MZT2A: variants seen among roughly 807,000 people sequenced by gnomAD.
The protein encoded by MZT2A is mitotic spindle organizing protein 2A.
MZT2A carries 8 observed loss-of-function variants against 12.4 expected under a neutral mutation model. The ratio of observed to expected loss-of-function variants is 0.64; its 90% CI spans 0.38 to 1.16. The LOEUF (loss-of-function observed/expected upper bound fraction) is 1.16. Among genes scored for constraint, MZT2A ranks in the 50% most tolerant of loss-of-function variants. MZT2A has a pLI of 0.01. For synonymous variants in MZT2A, 88 were observed against 107.5 expected (o/e 0.82, Z 1.12); for missense variants, 181 against 223.6 (o/e 0.81, Z 1.22).
rs1283016624 is a variant in MZT2A, at chr2:131,491,170, AGAG to A, written c.319+703_319+705del. 5 of 530,814 alleles carry A rather than the reference AGAG, an allele frequency of 9.4e-6. No homozygotes were observed. In the Admixed American group the frequency reaches 1.5e-4, roughly 16 times the overall value. The allele number at this position is 530,814 out of a possible 1,614,324, so 32.9% of individuals were successfully genotyped here. A position where few individuals can be genotyped will look rare whatever the true frequency, so the allele number is the denominator to read the frequency against. On this transcript the variant is annotated intron_variant, in intron 2 of 2. Coordinates refer to ENST00000309451, the MANE Select transcript of MZT2A (RefSeq NM_001085365.2). Reference sequence around the variant, plus strand: ...CATCGGGAGCAGAAGCAACATGCGGAGAGGATGAGCAGGGACGGAGGCTCCACC... The same window carrying A: ...CATCGGGAGCAGAAGCAACATGCGGAGATGAGCAGGGACGGAGGCTCCACC...
chr2:131,477,780 TCCTTACCCAACCCGACTA>T (rs1678723643), intron 2 of MZT2A, among the ~76,000 whole-genome samples: 1 of 151,840 alleles, frequency 6.6e-6, no homozygotes, highest in Non-Finnish European at 1.5e-5. Flanking sequence ...ACTCTGTATT[TCCTTACCCAACCCGACTA>T]CCTTATCCTT....
chr2:131,476,196 C>T (rs774743711), intron 2 of MZT2A: 12 of 1,613,834 alleles, frequency 7.4e-6, no homozygotes, highest in Admixed American at 1.7e-5. Flanking sequence ...CAGCGGAGTT[C>T]GCCATGGTAA....
intron 2 of MZT2A, chr2:131,489,767 C>T: frequency 1.4e-6 from 1 of 732,576 alleles, no homozygotes; most frequent in Non-Finnish European, 1.7e-6. Flanking sequence ...CCTGCCTTGA[C>T]TTCCCGAAGT....
chr2:131,484,331 G>C (rs1258289641), intron 2 of MZT2A, 113 bp from the exon 3 acceptor site: 10 of 1,486,126 alleles, frequency 6.7e-6, no homozygotes, highest in East Asian at 2.4e-5. Flanking sequence ...CATCAAAGTC[G>C]CTTCAGCTAG....
In MZT2A at chr2:131,471,380, A is replaced by T. The variant is rs545337584; in HGVS notation, c.393+688T>A. ...TATAAATGAATGTATTTTAGAAAAC[A>T]GAGCCTATGCAGTGAGCTGAGATCG... On this transcript the variant is annotated intron_variant and NMD_transcript_variant, in intron 3 of 4. Coordinates refer to the MZT2A transcript ENST00000427024. Among the ~76,000 whole-genome samples the T allele has an allele frequency of 5.0e-5, 7 of 139,504 alleles. No individual in the cohort carries two copies. The East Asian group carries it at 1.4e-3, about 27-fold the overall frequency. The allele number at this position is 139,504 out of a possible 152,430, so 91.5% of individuals were successfully genotyped here. A position where few individuals can be genotyped will look rare whatever the true frequency, so the allele number is the denominator to read the frequency against.
intron 2 of MZT2A, among the ~76,000 whole-genome samples, chr2:131,475,860 C>T (rs559886993): frequency 6.6e-6 from 1 of 152,158 alleles, no homozygotes; most frequent in East Asian, 1.9e-4. Flanking sequence ...CAATGTTCCG[C>T]GACCCACAGA....
intron 2 of MZT2A, among the ~76,000 whole-genome samples, chr2:131,474,814 G>A (rs752648185): frequency 6.7e-6 from 1 of 148,656 alleles, no homozygotes; most frequent in Non-Finnish European, 1.5e-5. Flanking sequence ...GGACAACACA[G>A]CAAGACTTCT....
intron 2 of MZT2A, chr2:131,478,291 G>A: frequency 2.5e-6 from 4 of 1,614,020 alleles, no homozygotes; most frequent in Non-Finnish European, 3.4e-6. Context: ...ACCATTGGTG[G>A]CGGGGACGAC....
intron 2 of MZT2A, among the ~76,000 whole-genome samples, chr2:131,488,511 A>G (rs1679145534): frequency 1.3e-5 from 2 of 151,986 alleles, no homozygotes; most frequent in Non-Finnish European, 2.9e-5. Context: ...CCTGTGGGAA[A>G]CCTATGGCCT....
At chr2:131,493,058 G>A, upstream of MZT2A, 3 of 1,490,720 alleles carry the variant, frequency 2.0e-6, no homozygotes, top group Non-Finnish European at 2.7e-6. Context: ...GTGGCTCTGC[G>A]CGCAGCTTGA....
At chr2:131,479,454 C>T (rs1414248906), downstream of MZT2A, 1 of 1,613,948 alleles carries the variant, frequency 6.2e-7, no homozygotes, top group Non-Finnish European at 8.5e-7. Flanking sequence ...GATCCGCAAA[C>T]TGGTAAGAAG....
chr2:131,492,803 T>C, upstream of MZT2A: 2 of 1,381,128 alleles, frequency 1.4e-6, no homozygotes, highest in Non-Finnish European at 1.9e-6. Context: ...GGGGCACTAA[T>C]CAACAACCCT....
chr2:131,480,354 C>T (rs200147665), downstream of MZT2A: 89 of 1,463,970 alleles, frequency 6.1e-5, no homozygotes, highest in Middle Eastern at 7.9e-4. Flanking sequence ...GGACATTGAA[C>T]GTCCCACGTA....
chr2:131,474,463 G>A (rs1678587469), intron 2 of MZT2A, among the ~76,000 whole-genome samples: 1 of 138,448 alleles, frequency 7.2e-6, no homozygotes, highest in Admixed American at 8.1e-5. Context: ...AGGCTGGAGT[G>A]CAATGGTGTG....
chr2:131,475,425 T>G (rs143093208), intron 2 of MZT2A, among the ~76,000 whole-genome samples: 25,619 of 142,884 alleles, frequency 0.18, 4,001 homozygotes, highest in African/African-American at 0.42. Flanking sequence ...TGCCTCCCAG[T>G]TTCAAGCGAT....
chr2:131,480,107 C>T (rs555728426), downstream of MZT2A: 183 of 1,609,910 alleles, frequency 1.1e-4, no homozygotes, highest in South Asian at 1.8e-3. Context: ...TCCTCATCTT[C>T]CACAGCTTTG....
chr2:131,486,282 T>C (rs1388283392), intron 2 of MZT2A: 1 of 166,866 alleles, frequency 6.0e-6, no homozygotes, highest in Non-Finnish European at 1.5e-5. Context: ...GGGCAAGGAT[T>C]CTGTCTTCCA....
intron 2 of MZT2A, chr2:131,491,115 T>TGGGA (rs1328551902): frequency 4.5e-6 from 3 of 673,134 alleles, no homozygotes; most frequent in Non-Finnish European, 7.7e-6. Context: ...TCCATTGGCC[T>TGGGA]GGGAGGTTGT....
chr2:131,472,686 T>C (rs1332994329), intron 2 of MZT2A, among the ~76,000 whole-genome samples: 1 of 152,224 alleles, frequency 6.6e-6, no homozygotes, highest in Non-Finnish European at 1.5e-5. Flanking sequence ...TGCTATACCA[T>C]GTGGTCTAGG....
Sources: gnomAD v4.1 joint callset for allele counts (sites outside exome capture counted in the v4.1 genomes callset) on GRCh38, gnomAD v4.1.1 for gene constraint, MANE v1.5 for transcripts, NCBI Gene and HGNC (gene_info 2026-07-23, HGNC 2026-07-21) for gene names.